ZNF773: variants seen among roughly 807,000 people sequenced by gnomAD.
The protein encoded by ZNF773 is zinc finger protein 773, also known as zinc finger protein 419B.
Under a neutral mutation model 12.8 loss-of-function variants are expected in ZNF773, and 11 were observed. That is an observed-to-expected ratio of 0.86 (90% CI 0.54 to 1.42). ZNF773 has a LOEUF of 1.42. ZNF773 is among the 40% of genes most tolerant of loss of function. ZNF773 has a pLI of 0.00. For missense variants in ZNF773, 518 were observed against 527.2 expected, an observed-to-expected ratio of 0.98 and a Z score of 0.17; for synonymous variants, 175 against 178.4, an observed-to-expected ratio of 0.98 and a Z score of 0.15.
intron 1 of ZNF773, among the ~76,000 whole-genome samples, chr19:57,501,576 G>A (rs2089671111): frequency 6.6e-6 from 1 of 152,132 alleles, no homozygotes; most frequent in South Asian, 2.1e-4. Flanking sequence ...GGGAAGTTGA[G>A]CATTTTTCCA....
At chr19:57,502,483 T>C (rs1221117011) in intron 1 of ZNF773, among the ~76,000 whole-genome samples, 7 of 152,138 alleles carry the variant, frequency 4.6e-5, no homozygotes, top group African/African-American at 1.7e-4. Flanking sequence ...TTTTCCTGGA[T>C]ATCAGGAAGG....
chr19:57,517,965 T>G (rs1467806827), downstream of ZNF773: 1 of 153,682 alleles, frequency 6.5e-6, no homozygotes, highest in Non-Finnish European at 1.5e-5. Context: ...TATGTTTCTG[T>G]TTTTTGTTCA....
chr19:57,511,658 ATACT>A (rs1166537630), downstream of ZNF773, among the ~76,000 whole-genome samples: 3 of 152,146 alleles, frequency 2.0e-5, no homozygotes, highest in African/African-American at 7.2e-5. Flanking sequence ...TGTCCTAGAA[ATACT>A]TACACTTGCA....
Position 57,506,760 on chromosome 19 carries a change from G to C in ZNF773, c.665G>C (p.Ser222Thr). 1.2e-6 allele frequency: 2 copies of C among 1,614,256 alleles called. No individual in the cohort carries two copies. The highest frequency in any genetic ancestry group is 2.7e-5 in the African/African-American group (2 of 75,074). ...LHTGEKPYEC[S>T]ECGKLFSHKS... is the part of the protein sequence containing the mutation. The stretch of plus-strand genomic sequence containing the variant: ...ACTGGGGAAAAGCCTTATGAATGCA[G>C]TGAATGTGGGAAGTTATTTAGCCAT... The change falls in exon 4 of 4, where the codon AGT becomes ACT. Residue 222 changes from serine to threonine, a missense_variant. Coordinates refer to ENST00000282292, the MANE Select transcript of ZNF773 (RefSeq NM_198542.3).
At chr19:57,517,600 G>A (rs1037526403), downstream of ZNF773, 1 of 152,142 alleles carries the variant, frequency 6.6e-6, no homozygotes. Context: ...AAGTGGCAAT[G>A]TTAAAGACTA....
At chr19:57,510,584 T>C (rs924091919), downstream of ZNF773, among the ~76,000 whole-genome samples, 2 of 152,142 alleles carry the variant, frequency 1.3e-5, no homozygotes, top group African/African-American at 4.8e-5. Context: ...CATGATAATA[T>C]TGAAAATTCT....
chr19:57,513,335 A>T (rs1157998968), downstream of ZNF773: 1 of 300,858 alleles, frequency 3.3e-6, no homozygotes, highest in Non-Finnish European at 6.1e-6. Flanking sequence ...CGCATAACCC[A>T]TGGTTTCCAC....
chr19:57,500,052 CG>C lies in ZNF773; in HGVS notation c.-27del. 6.3e-7 allele frequency: 1 copy of C among 1,577,164 alleles called. No homozygotes were observed. The highest frequency in any genetic ancestry group is 1.2e-5 in the South Asian group (1 of 86,648). On this transcript the variant is annotated 5_prime_UTR_variant, in exon 1 of 4. Coordinates refer to ENST00000282292, the MANE Select transcript of ZNF773 (RefSeq NM_198542.3). ...CCCAGGGTGGCCCGGGCCCTTTCCT[CG>C]GTCGTTGTCTCACCGCCACAGGCTC... is the stretch of plus-strand genomic sequence containing the variant.
intron 1 of ZNF773, 48 bp downstream of exon 1, chr19:57,500,161 A>T: frequency 6.4e-7 from 1 of 1,565,994 alleles, no homozygotes; most frequent in South Asian, 1.2e-5. Flanking sequence ...AAGCCCTGTG[A>T]GGGCCGCCTG....
rs200220630 is a variant in ZNF773, at chr19:57,506,998, G to A, written c.903G>A (p.Arg301=). 3 of 1,614,166 alleles carry A rather than the reference G, an allele frequency of 1.9e-6. No individual in the cohort carries two copies. Among genetic ancestry groups the A allele is most frequent in the African/African-American group, 2.7e-5 (2 of 75,034 alleles). Residue 301 remains arginine (R), a synonymous_variant, in exon 4 of 4, where the codon AGG becomes AGA. Transcript: ENST00000282292. Reference sequence around the variant, plus strand: ...ATCACAGAATCCACACTGGAGTAAGGCCTTATGAGTGCAGTGAATGTGGAA... The same window carrying A: ...ATCACAGAATCCACACTGGAGTAAGACCTTATGAGTGCAGTGAATGTGGAA... ...VQHHRIHTGV[R]PYECSECGKL...
chr19:57,510,957 A>G (rs1486593715), downstream of ZNF773, among the ~76,000 whole-genome samples: 1 of 152,108 alleles, frequency 6.6e-6, no homozygotes, highest in Non-Finnish European at 1.5e-5. Context: ...AATCTTTTAA[A>G]TAAAAATTTA....
downstream of ZNF773, among the ~76,000 whole-genome samples, chr19:57,510,999 C>G (rs1735430554): frequency 6.6e-6 from 1 of 151,628 alleles, no homozygotes; most frequent in African/African-American, 2.4e-5. Context: ...CATGGAAATG[C>G]AAAGGGCCTG....
downstream of ZNF773, chr19:57,517,306 T>A (rs934175458): frequency 3.3e-5 from 5 of 152,170 alleles, no homozygotes; most frequent in African/African-American, 9.7e-5. Context: ...TAGGTCACAT[T>A]CCTGGATTAT....
chr19:57,512,148 T>C (rs2089800543), downstream of ZNF773, among the ~76,000 whole-genome samples: 1 of 152,202 alleles, frequency 6.6e-6, no homozygotes, highest in East Asian at 1.9e-4. Flanking sequence ...GGTCCAATTA[T>C]ATGTGAATTT....
In ZNF773 at chr19:57,508,148, A is replaced by C. The variant is rs2089765610; in HGVS notation, c.*724A>C. 2 of 502,372 alleles carry C rather than the reference A, an allele frequency of 4.0e-6. No homozygotes were observed. Among genetic ancestry groups the C allele is most frequent in the African/African-American group, 7.7e-5 (2 of 26,136 alleles). 31.1% of individuals were successfully genotyped at this position (502,372 alleles called of 1,614,324 possible). Reference sequence around the variant, plus strand: ...AGAGTGAGACTTCGTCTCAAAAAAAAAAAAAAAAAACAAAAAAAACCCAGA... The same window carrying C: ...AGAGTGAGACTTCGTCTCAAAAAAACAAAAAAAAAACAAAAAAAACCCAGA... On this transcript the variant is annotated 3_prime_UTR_variant, in exon 4 of 4. Coordinates refer to ENST00000282292, the MANE Select transcript of ZNF773 (RefSeq NM_198542.3).
chr19:57,512,271 CTATTT>C (rs1438417612), downstream of ZNF773, among the ~76,000 whole-genome samples: 2 of 151,950 alleles, frequency 1.3e-5, no homozygotes, highest in African/African-American at 4.8e-5. Context: ...TATGTAGGTA[CTATTT>C]TATCATTTAC....
downstream of ZNF773, chr19:57,508,262 T>C (rs2089768656): frequency 2.5e-6 from 3 of 1,207,170 alleles, no homozygotes; most frequent in Admixed American, 4.1e-5. Flanking sequence ...GAATTCCTGA[T>C]AGATTGTTCC....
At position 57,506,576 on chromosome 19, in the gene ZNF773, G is replaced by T; in HGVS notation, c.481G>T (p.Gly161Cys). 1.2e-6 allele frequency: 2 copies of T among 1,614,208 alleles called. No individual in the cohort carries two copies. Among genetic ancestry groups the T allele is most frequent in the Non-Finnish European group, 1.7e-6 (2 of 1,180,028 alleles). ...EVGKDLLTSS[G>C]VLKHQVTHTG... ...TGGGAAGGATCTTCTGACCAGCTCA[G>T]GTGTTCTCAAGCACCAGGTGACTCA... Residue 161 changes from glycine (G) to cysteine (C), a missense_variant, in exon 4 of 4, where the codon GGT (glycine) becomes TGT (cysteine). By Grantham distance (159) the Gly-to-Cys change is radical (BLOSUM62 -3). Transcript: ENST00000282292.
chr19:57,506,420 A>G lies in ZNF773; in HGVS notation c.325A>G (p.Ser109Gly). 6.2e-6 allele frequency: 10 copies of G among 1,614,248 alleles called. No homozygotes were observed. The highest frequency in any genetic ancestry group is 8.5e-6 in the Non-Finnish European group (10 of 1,180,032). Residue 109 changes from serine to glycine, a missense_variant, in exon 4 of 4, where the codon AGT (serine) becomes GGT (glycine). Physicochemically the swap from Ser to Gly is moderately conservative, Grantham distance 56. Transcript: ENST00000282292. ...GCAGAGTGCTTCTGTAGAAGTGCCC[A>G]GTTCAAACGTTCAGCAACACCAGAA... ...AEQSASVEVP[S>G]SNVQQHQKQH...
Sources: gnomAD v4.1 joint callset for allele counts (sites outside exome capture counted in the v4.1 genomes callset) on GRCh38, gnomAD v4.1.1 for gene constraint, MANE v1.5 for transcripts, NCBI Gene and HGNC (gene_info 2026-07-23, HGNC 2026-07-21) for gene names.